Variants in ADGRG6 observed in about 807,000 individuals in gnomAD.
ADGRG6 encodes the protein G-protein coupled receptor 126.
In ADGRG6, 84 loss-of-function variants were observed where a neutral mutation model predicts 142.4. That is an observed-to-expected ratio of 0.59 (90% CI 0.49 to 0.71). The LOEUF (loss-of-function observed/expected upper bound fraction) is 0.71, where lower values mean the gene tolerates loss of function less well. ADGRG6 is among the 30% of genes least tolerant of loss of function. ADGRG6 has a pLI of 0.00. For missense variants in ADGRG6, 1,367 were observed against 1,466.6 expected (o/e 0.93, Z 1.11); for synonymous variants, 521 against 520.5 (o/e 1.00, Z -0.01).
chr6:142,305,403 C>CT (rs1777438740), intron 1 of ADGRG6, among the ~76,000 whole-genome samples: 1 of 138,964 alleles, frequency 7.2e-6, no homozygotes, highest in Non-Finnish European at 1.5e-5. Flanking sequence ...TCCTCCTTTC[C>CT]TGCCCCCCCC....
At chr6:142,389,496 C>A (rs1171276825) in intron 6 of ADGRG6, among the ~76,000 whole-genome samples, 2 of 151,862 alleles carry the variant, frequency 1.3e-5, no homozygotes, top group Non-Finnish European at 2.9e-5. Flanking sequence ...ATTTAGCAAA[C>A]CCTTGCTGGT....
chr6:142,382,617 T>A, intron 5 of ADGRG6, among the ~76,000 whole-genome samples: 1 of 152,214 alleles, frequency 6.6e-6, no homozygotes, highest in East Asian at 1.9e-4. Flanking sequence ...ATTAAAGTTA[T>A]ACAAGTTTTA....
At chr6:142,387,406 G>A (rs1782085928) in intron 6 of ADGRG6, among the ~76,000 whole-genome samples, 1 of 152,178 alleles carries the variant, frequency 6.6e-6, no homozygotes, top group African/African-American at 2.4e-5. Flanking sequence ...ACGTTTAGCT[G>A]CTTAAATAAC....
chr6:142,365,789 C>T (rs1780917143), intron 2 of ADGRG6, among the ~76,000 whole-genome samples: 1 of 152,142 alleles, frequency 6.6e-6, no homozygotes, highest in African/African-American at 2.4e-5. Flanking sequence ...AAGAGAAAAA[C>T]CTCACTTGAG....
chr6:142,384,276 T>A (rs532716624), intron 6 of ADGRG6, among the ~76,000 whole-genome samples: 1 of 152,274 alleles, frequency 6.6e-6, no homozygotes, highest in African/African-American at 2.4e-5. Context: ...TTAAGTGAAC[T>A]TTATGGTCAT....
At chr6:142,347,422 G>A (rs1335856708) in intron 2 of ADGRG6, among the ~76,000 whole-genome samples, 5 of 152,126 alleles carry the variant, frequency 3.3e-5, no homozygotes, top group African/African-American at 9.7e-5. Flanking sequence ...CAGAGGAACC[G>A]GAAGAGTAGA....
chr6:142,365,772 C>T (rs908437526), intron 2 of ADGRG6, among the ~76,000 whole-genome samples: 14 of 151,910 alleles, frequency 9.2e-5, no homozygotes, highest in Non-Finnish European at 1.9e-4. Context: ...ACAAGGTGGC[C>T]AAAGAGAAGA....
intron 2 of ADGRG6, among the ~76,000 whole-genome samples, chr6:142,338,641 A>G (rs1779464371): frequency 6.6e-6 from 1 of 151,998 alleles, no homozygotes. Context: ...CTTTGATATC[A>G]TTTTAATACT....
rs771180710 is a variant in ADGRG6, at chr6:142,402,785, A to T, written c.1910A>T (p.Asn637Ile). 1.2e-6 allele frequency: 2 copies of T among 1,604,604 alleles called. No homozygotes were observed. The highest frequency in any genetic ancestry group is 2.7e-5 in the African/African-American group (2 of 74,702). The change falls in exon 13 of 25, where the codon AAT becomes ATT. Residue 637 changes from asparagine to isoleucine, a missense_variant. This residue lies in a region of ADGRG6 where 737 missense variants were observed against 746.5 expected (regional missense o/e 0.99). Coordinates refer to ENST00000367609, the MANE Select transcript of ADGRG6 (RefSeq NM_198569.3). ...LGSTLMNIFSNILSSSDSDLL... is the reference protein window; with the variant it reads ...LGSTLMNIFSIILSSSDSDLL... ...TCAACTCTAATGAATATATTTTCTA[A>T]TATCTTAAGCAGTTCAGACAGTGAC... is the stretch of plus-strand genomic sequence containing the variant.
At chr6:142,374,065 TTGTC>T (rs1304905605) in intron 4 of ADGRG6, among the ~76,000 whole-genome samples, 2 of 152,002 alleles carry the variant, frequency 1.3e-5, no homozygotes, top group African/African-American at 2.4e-5. Flanking sequence ...TATATTGTCT[TTGTC>T]TGCCTCTGTG....
chr6:142,384,000 TAACTC>T (rs1781904085), intron 6 of ADGRG6, among the ~76,000 whole-genome samples, 157 bp downstream of exon 6: 1 of 152,178 alleles, frequency 6.6e-6, no homozygotes, highest in South Asian at 2.1e-4. Context: ...AAAGATCACT[TAACTC>T]TGTTGAGTTC....
intron 22 of ADGRG6, among the ~76,000 whole-genome samples, chr6:142,423,490 C>T (rs555553065): frequency 2.0e-4 from 30 of 150,968 alleles, no homozygotes; most frequent in Middle Eastern, 3.4e-3. Context: ...AGATATGTGG[C>T]GTTATTTCTG....
At chr6:142,362,282 C>G (rs117694752) in intron 2 of ADGRG6, among the ~76,000 whole-genome samples, 1 of 152,142 alleles carries the variant, frequency 6.6e-6, no homozygotes, top group Non-Finnish European at 1.5e-5. Context: ...ATGCTTAAGT[C>G]GTTGAAGTAG....
chr6:142,431,172 G>T (rs1777189296), intron 22 of ADGRG6, among the ~76,000 whole-genome samples: 1 of 152,032 alleles, frequency 6.6e-6, no homozygotes, highest in South Asian at 2.1e-4. Context: ...CTAAGGATGG[G>T]ATGAAAGTTT....
At chr6:142,419,012 A>G (rs1207692255) in intron 21 of ADGRG6, among the ~76,000 whole-genome samples, 1 of 152,110 alleles carries the variant, frequency 6.6e-6, no homozygotes, top group Non-Finnish European at 1.5e-5. Flanking sequence ...ATATTTTGTA[A>G]TCATTGTAAG....
At chr6:142,318,760 A>T (rs905303172) in intron 2 of ADGRG6, among the ~76,000 whole-genome samples, 173 of 152,148 alleles carry the variant, frequency 1.1e-3, no homozygotes, top group African/African-American at 3.9e-3. Context: ...CAGATGCATT[A>T]TAAATGGCTT....
In ADGRG6 at chr6:142,367,833, G is replaced by A. The variant is rs751711883; in HGVS notation, c.368G>A (p.Ser123Asn). Residue 123 changes from serine to asparagine, a missense_variant, in exon 3 of 25, where the codon AGT (serine) becomes AAT (asparagine). Around this residue, in one of 3 missense-constraint regions of ADGRG6, gnomAD observed 737 missense variants for 746.5 expected, o/e 0.99. Transcript: ENST00000367609. Reference protein sequence around the residue: ...ATAKGLSFNSSANEMHVSFSS... With the variant: ...ATAKGLSFNSNANEMHVSFSS... The stretch of plus-strand genomic sequence containing the variant: ...GCCAAAGGCCTATCATTTAACTCAA[G>A]TGCGAATGAGATGCATGTGTCCTTT... 7.4e-6 allele frequency: 12 copies of A among 1,613,782 alleles called. No individual in the cohort carries two copies. In the South Asian group the frequency reaches 1.1e-4, roughly 15 times the overall value.
intron 2 of ADGRG6, among the ~76,000 whole-genome samples, chr6:142,328,330 G>A (rs1778879285): frequency 6.6e-6 from 1 of 152,174 alleles, no homozygotes; most frequent in South Asian, 2.1e-4. Flanking sequence ...AGCCTCCTGA[G>A]TAGCTGGGAC....
intron 2 of ADGRG6, among the ~76,000 whole-genome samples, chr6:142,313,410 A>G (rs111951445): frequency 0.019 from 2,926 of 152,160 alleles, 97 homozygotes; most frequent in African/African-American, 0.067. Context: ...GGAAACAGCC[A>G]AGAGCCAATA....
Sources: allele counts gnomAD v4.1 joint callset (sites outside exome capture counted in the v4.1 genomes callset), GRCh38; gene constraint gnomAD v4.1.1; regional missense constraint gnomAD v4.1.1; transcripts MANE v1.5; gene names NCBI Gene and HGNC (gene_info 2026-07-23, HGNC 2026-07-21).